FSTL5: variants seen among roughly 807,000 people sequenced by gnomAD.
FSTL5 encodes follistatin-related protein 5.
Under a neutral mutation model 89.1 loss-of-function variants are expected in FSTL5, and 62 were observed. That is an observed-to-expected ratio of 0.70 (90% CI 0.57 to 0.86). The LOEUF is 0.86. FSTL5 is among the 40% of genes least tolerant of loss of function. The pLI is 0.00. For synonymous variants in FSTL5, 383 were observed against 346.2 expected (o/e 1.11, Z -1.18); for missense variants, 1,057 against 1,001.6 (o/e 1.06, Z -0.75).
At chr4:161,781,529 A>G (rs1169782363) in intron 4 of FSTL5, among the ~76,000 whole-genome samples, 1 of 152,160 alleles carries the variant, frequency 6.6e-6, no homozygotes, top group Non-Finnish European at 1.5e-5. Flanking sequence ...CCACATTAGA[A>G]CATAGTACAT....
rs115357756 is a variant in FSTL5, at chr4:161,485,053, G to C, written c.1459-3884C>G. Among the ~76,000 whole-genome samples, 521 of 152,292 alleles carry C rather than the reference G, an allele frequency of 3.4e-3. 3 individuals are homozygous for C. The highest frequency in any genetic ancestry group is 0.011 in the African/African-American group (473 of 41,566). The stretch of plus-strand genomic sequence containing the variant: ...ACATTATATGAGATTCAAATTTACA[G>C]AAATGAAGGTGTTGTAACCCAACTA... On this transcript the variant is annotated intron_variant, in intron 12 of 15. Coordinates refer to ENST00000306100, the MANE Select transcript of FSTL5 (RefSeq NM_020116.5).
At chr4:161,757,759 C>T (rs532256919) in intron 6 of FSTL5, among the ~76,000 whole-genome samples, 1 of 152,082 alleles carries the variant, frequency 6.6e-6, no homozygotes, top group Non-Finnish European at 1.5e-5. Flanking sequence ...GCTGGGATTA[C>T]AGGCGCCTGC....
chr4:161,784,234 C>G (rs1184902993), intron 4 of FSTL5, among the ~76,000 whole-genome samples: 8 of 152,016 alleles, frequency 5.3e-5, no homozygotes, highest in Non-Finnish European at 1.2e-4. Context: ...CCATGCCTTG[C>G]CAATTATGTC....
At chr4:161,416,278 T>C (rs187996699) in intron 15 of FSTL5, among the ~76,000 whole-genome samples, 32 of 152,320 alleles carry the variant, frequency 2.1e-4, no homozygotes, top group Admixed American at 1.4e-3. Flanking sequence ...CAATTCAGTT[T>C]AGACAACTGA....
At chr4:162,120,109 A>T (rs952125849) in intron 1 of FSTL5, among the ~76,000 whole-genome samples, 1 of 152,122 alleles carries the variant, frequency 6.6e-6, no homozygotes, top group Non-Finnish European at 1.5e-5. Flanking sequence ...CAAACTTTCC[A>T]AATTGTAATC....
chr4:161,581,216 ACTTAGAG>A (rs1733425961), intron 8 of FSTL5, among the ~76,000 whole-genome samples: 1 of 152,214 alleles, frequency 6.6e-6, no homozygotes, highest in Non-Finnish European at 1.5e-5. Context: ...TCTATGCCCT[ACTTAGAG>A]CTTCTGATTT....
At chr4:162,088,581 T>C (rs1009680303) in intron 2 of FSTL5, among the ~76,000 whole-genome samples, 2 of 152,114 alleles carry the variant, frequency 1.3e-5, no homozygotes, top group Non-Finnish European at 2.9e-5. Flanking sequence ...TCTCATAGAC[T>C]AGATGATTTT....
intron 15 of FSTL5, among the ~76,000 whole-genome samples, chr4:161,399,264 C>T (rs1016712336): frequency 2.0e-5 from 3 of 152,000 alleles, no homozygotes; most frequent in Non-Finnish European, 4.4e-5. Context: ...TTTCACTCCC[C>T]AGAAACGTAA....
chr4:161,427,685 T>G (rs1179468053), intron 15 of FSTL5, among the ~76,000 whole-genome samples: 1 of 152,174 alleles, frequency 6.6e-6, no homozygotes, highest in Non-Finnish European at 1.5e-5. Context: ...TGCTTCTTAA[T>G]GGACTCAGAA....
At chr4:161,522,615 T>C (rs1409448810) in intron 10 of FSTL5, among the ~76,000 whole-genome samples, 1 of 151,472 alleles carries the variant, frequency 6.6e-6, no homozygotes, top group East Asian at 1.9e-4. Context: ...TTTCCCACAC[T>C]CTACAAGATA....
At chr4:161,534,549 C>T (rs529010103) in intron 10 of FSTL5, among the ~76,000 whole-genome samples, 17 of 152,120 alleles carry the variant, frequency 1.1e-4, no homozygotes, top group Non-Finnish European at 2.2e-4. Flanking sequence ...AGGATAACTA[C>T]AAAACACTGC....
chr4:161,573,089 T>C (rs1048556564), intron 8 of FSTL5, among the ~76,000 whole-genome samples: 15 of 152,258 alleles, frequency 9.9e-5, no homozygotes, highest in African/African-American at 3.6e-4. Flanking sequence ...ACTTAGTGTA[T>C]TTGTTTCCTA....
intron 5 of FSTL5, among the ~76,000 whole-genome samples, chr4:161,768,667 G>A (rs1458937021): frequency 1.3e-5 from 2 of 151,802 alleles, no homozygotes; most frequent in South Asian, 2.1e-4. Flanking sequence ...TTTTGCAAAT[G>A]GATGTTTTTT....
intron 6 of FSTL5, among the ~76,000 whole-genome samples, chr4:161,695,162 G>A (rs2126723969): frequency 6.6e-6 from 1 of 151,978 alleles, no homozygotes; most frequent in Non-Finnish European, 1.5e-5. Flanking sequence ...CATCACCCAA[G>A]CAGCATACAC....
intron 15 of FSTL5, among the ~76,000 whole-genome samples, chr4:161,402,298 C>T (rs1045027622): frequency 6.6e-6 from 1 of 152,142 alleles, no homozygotes; most frequent in African/African-American, 2.4e-5. Context: ...TGAATGTTAT[C>T]ACTAATAATC....
intron 3 of FSTL5, among the ~76,000 whole-genome samples, chr4:161,979,626 A>G (rs1388589926): frequency 1.3e-5 from 2 of 151,782 alleles, no homozygotes; most frequent in Admixed American, 1.3e-4. Flanking sequence ...TTCCATCATT[A>G]TTCTTTTTGA....
intron 3 of FSTL5, among the ~76,000 whole-genome samples, chr4:161,929,660 CGTGTGTGTGTGTGTGTGT>C (rs765281533): frequency 7.9e-6 from 1 of 126,844 alleles, no homozygotes; most frequent in Non-Finnish European, 1.7e-5. Flanking sequence ...TAGGTAGGCA[CGTGTGTGTGTGTGTGTGT>C]GTGTGTGTGT....
intron 3 of FSTL5, among the ~76,000 whole-genome samples, chr4:161,983,806 T>A (rs1735890731): frequency 1.3e-5 from 2 of 152,138 alleles, no homozygotes; most frequent in African/African-American, 2.4e-5. Context: ...ATTATGTGAT[T>A]CACATTAAAT....
chr4:161,870,974 T>C (rs964203365), intron 4 of FSTL5, among the ~76,000 whole-genome samples: 1 of 152,126 alleles, frequency 6.6e-6, no homozygotes, highest in African/African-American at 2.4e-5. Context: ...TAATTTTATT[T>C]ATATCTTTAA....
Sources: gnomAD v4.1 joint callset for allele counts (sites outside exome capture counted in the v4.1 genomes callset) on GRCh38, gnomAD v4.1.1 for gene constraint, MANE v1.5 for transcripts, NCBI Gene and HGNC (gene_info 2026-07-23, HGNC 2026-07-21) for gene names.